The following RABGAP1L variants were observed in gnomAD, a reference collection of about 807,000 sequenced individuals.
RABGAP1L encodes the protein rab GTPase-activating protein 1-like.
RABGAP1L carries 63 observed loss-of-function variants against 137.7 expected under a neutral mutation model. The observed-to-expected ratio is 0.46, with a 90% confidence interval of 0.37 to 0.56. The LOEUF is 0.56. RABGAP1L is among the 20% of genes least tolerant of loss of function. The pLI is 0.00. For synonymous variants in RABGAP1L, 431 were observed against 433.7 expected, an observed-to-expected ratio of 0.99 and a Z score of 0.08; for missense variants, 1,095 against 1,244.0, an observed-to-expected ratio of 0.88 and a Z score of 1.80.
At chr1:174,618,665 AG>A (rs1340934056) in intron 13 of RABGAP1L, among the ~76,000 whole-genome samples, 2 of 152,204 alleles carry the variant, frequency 1.3e-5, no homozygotes, top group African/African-American at 2.4e-5. Context: ...CAAAGACCAA[AG>A]GTAGATAAAA....
rs200047503 is a variant in RABGAP1L at position 174,502,717 on chromosome 1, TACAC to T, written c.1710+108582_1710+108585del. ...ATATATACATATATGTGCATATATA[TACAC>T]ACACACACATATATATATTTATATT... On this transcript the variant is annotated intron_variant, in intron 13 of 25. Coordinates refer to ENST00000681986, the MANE Select transcript of RABGAP1L (RefSeq NM_001366446.1). Among the ~76,000 whole-genome samples the T allele has an allele frequency of 4.0e-5, 6 of 150,520 alleles. No individual in the cohort carries two copies. The South Asian group carries it at 6.3e-4, about 16-fold the overall frequency.
At chr1:174,882,018 T>C (rs2149090509) in intron 19 of RABGAP1L, among the ~76,000 whole-genome samples, 1 of 152,214 alleles carries the variant, frequency 6.6e-6, no homozygotes, top group Middle Eastern at 3.4e-3. Flanking sequence ...TGCGCCACCA[T>C]GCCTGGCTAA....
At chr1:174,970,446 A>C (rs1360287036) in intron 21 of RABGAP1L, among the ~76,000 whole-genome samples, 1 of 152,196 alleles carries the variant, frequency 6.6e-6, no homozygotes, top group Non-Finnish European at 1.5e-5. Flanking sequence ...AAACAGTTGG[A>C]TTCAGTGGGG....
chr1:174,428,948 G>A (rs1424604022), intron 13 of RABGAP1L, among the ~76,000 whole-genome samples: 2 of 151,942 alleles, frequency 1.3e-5, no homozygotes, highest in Non-Finnish European at 2.9e-5. Context: ...TGCTGACAGT[G>A]TGAATATGAT....
chr1:174,596,868 G>T (rs555218588), intron 13 of RABGAP1L, among the ~76,000 whole-genome samples: 1 of 152,002 alleles, frequency 6.6e-6, no homozygotes, highest in African/African-American at 2.4e-5. Context: ...TTTATTGTGT[G>T]TTGAAGTATG....
At chr1:174,524,897 T>C (rs952505294) in intron 13 of RABGAP1L, among the ~76,000 whole-genome samples, 2 of 151,974 alleles carry the variant, frequency 1.3e-5, no homozygotes, top group South Asian at 2.1e-4. Flanking sequence ...TATTGAAGAG[T>C]GTGTCCTTTT....
At chr1:174,370,839 C>A in intron 11 of RABGAP1L, 140 bp from the exon 12 acceptor site, 1 of 397,120 alleles carries the variant, frequency 2.5e-6, no homozygotes. Flanking sequence ...GAAATTCTTA[C>A]TGTTATTTTT....
chr1:174,844,741 GT>G, intron 19 of RABGAP1L, among the ~76,000 whole-genome samples: 1 of 87,848 alleles, frequency 1.1e-5, no homozygotes, highest in Admixed American at 1.3e-4. Flanking sequence ...CTTTAAAGTA[GT>G]TTTTTCCAAT....
At chr1:174,274,479 A>G (rs1171778387) in intron 8 of RABGAP1L, among the ~76,000 whole-genome samples, 3 of 152,164 alleles carry the variant, frequency 2.0e-5, no homozygotes, top group African/African-American at 4.8e-5. Context: ...CCTTGGAGCA[A>G]CAGCCTAGTT....
intron 13 of RABGAP1L, among the ~76,000 whole-genome samples, chr1:174,588,010 T>G (rs1351779884): frequency 6.6e-6 from 1 of 152,022 alleles, no homozygotes; most frequent in African/African-American, 2.4e-5. Flanking sequence ...ACTACAGGCG[T>G]GCACAACCAG....
intron 19 of RABGAP1L, among the ~76,000 whole-genome samples, chr1:174,868,123 T>A (rs879360815): frequency 6.6e-6 from 1 of 151,476 alleles, no homozygotes; most frequent in Non-Finnish European, 1.5e-5. Flanking sequence ...ACCAGCTAAT[T>A]TTTTTTTGTA....
intron 13 of RABGAP1L, among the ~76,000 whole-genome samples, chr1:174,632,833 T>G (rs905414114): frequency 3.3e-5 from 5 of 149,952 alleles, no homozygotes; most frequent in Non-Finnish European, 7.4e-5. Flanking sequence ...TTGCCTTTGG[T>G]TTGAATGTCC....
intron 6 of RABGAP1L, 72 bp from the exon 7 acceptor site, chr1:174,252,408 C>T: frequency 6.4e-7 from 1 of 1,550,914 alleles, no homozygotes; most frequent in Non-Finnish European, 8.7e-7. Flanking sequence ...TTGTTTTGTT[C>T]TAACCTTGGA....
At chr1:174,640,879 ATCT>A (rs1674476425) in intron 14 of RABGAP1L, among the ~76,000 whole-genome samples, 1 of 150,670 alleles carries the variant, frequency 6.6e-6, no homozygotes, top group South Asian at 2.1e-4. Context: ...AGAAAGCTGC[ATCT>A]TCTTCACATC....
chr1:174,753,704 C>A (rs1411702702), intron 18 of RABGAP1L, among the ~76,000 whole-genome samples: 1 of 152,068 alleles, frequency 6.6e-6, no homozygotes, highest in Non-Finnish European at 1.5e-5. Context: ...TCCAACATGT[C>A]CTCTCAACAG....
At chr1:174,906,019 G>A (rs999752527) in intron 19 of RABGAP1L, among the ~76,000 whole-genome samples, 4 of 152,018 alleles carry the variant, frequency 2.6e-5, no homozygotes, top group African/African-American at 9.7e-5. Context: ...GGGGAAGAAA[G>A]CTTATTCATT....
At chr1:174,181,193 A>T (rs1666321853) in intron 1 of RABGAP1L, among the ~76,000 whole-genome samples, 1 of 152,102 alleles carries the variant, frequency 6.6e-6, no homozygotes, top group Non-Finnish European at 1.5e-5. Flanking sequence ...TTTTAAAGAG[A>T]TGAGGTCTTG....
At chr1:174,493,081 C>T (rs1034297489) in intron 13 of RABGAP1L, among the ~76,000 whole-genome samples, 1 of 150,512 alleles carries the variant, frequency 6.6e-6, no homozygotes, top group African/African-American at 2.5e-5. Context: ...AATATTTAGA[C>T]CAGGCACAGT....
At chr1:174,341,642 C>T (rs993194576) in intron 11 of RABGAP1L, among the ~76,000 whole-genome samples, 1 of 152,076 alleles carries the variant, frequency 6.6e-6, no homozygotes, top group Non-Finnish European at 1.5e-5. Context: ...CTTTTTTCTA[C>T]TTAATGTAAT....
Sources: allele counts gnomAD v4.1 joint callset (sites outside exome capture counted in the v4.1 genomes callset), GRCh38; gene constraint gnomAD v4.1.1; transcripts MANE v1.5; gene names NCBI Gene and HGNC (gene_info 2026-07-23, HGNC 2026-07-21).